The following RBFOX1 variants were observed in gnomAD, a reference collection of about 807,000 sequenced individuals.
RBFOX1 encodes RNA binding fox-1 homolog 1, also known as RNA binding protein fox-1 homolog 1.
RBFOX1 carries 8 observed loss-of-function variants against 57.7 expected under a neutral mutation model. The ratio of observed to expected loss-of-function variants is 0.14; its 90% CI spans 0.08 to 0.25. The LOEUF (loss-of-function observed/expected upper bound fraction) is 0.25. Ranked by LOEUF, RBFOX1 falls within the 10% of genes least tolerant of loss-of-function variation. The probability of loss-of-function intolerance (pLI) is 1.00; values close to 1 mark genes in which losing one functional copy is unlikely to be tolerated. For synonymous variants in RBFOX1, 326 were observed against 222.4 expected (o/e 1.47, Z -4.15); for missense variants, 611 against 548.5 (o/e 1.11, Z -1.14).
chr16:7,295,423 T>C (rs1201120850), intron 4 of RBFOX1, among the ~76,000 whole-genome samples: 2 of 152,202 alleles, frequency 1.3e-5, no homozygotes, highest in African/African-American at 4.8e-5. Flanking sequence ...TACCTCATAA[T>C]AATAGTTGCT....
intron 4 of RBFOX1, among the ~76,000 whole-genome samples, chr16:7,291,881 A>G (rs926568522): frequency 9.0e-6 from 1 of 111,364 alleles, no homozygotes; most frequent in Non-Finnish European, 1.8e-5. Flanking sequence ...TACTATATAT[A>G]AAATATATAA....
intron 3 of RBFOX1, among the ~76,000 whole-genome samples, chr16:6,719,877 G>A (rs2154160952): frequency 6.6e-6 from 1 of 152,076 alleles, no homozygotes; most frequent in African/African-American, 2.4e-5. Flanking sequence ...CGGATCACCT[G>A]AGGTCAGGAG....
At chr16:5,340,708 T>G (rs183892593) in intron 1 of RBFOX1, among the ~76,000 whole-genome samples, 2 of 152,240 alleles carry the variant, frequency 1.3e-5, no homozygotes, top group African/African-American at 2.4e-5. Flanking sequence ...AAGTAGCAAG[T>G]AATCAATTCA....
At chr16:6,025,824 ACAATTCAGT>A in intron 1 of RBFOX1, among the ~76,000 whole-genome samples, 1 of 152,196 alleles carries the variant, frequency 6.6e-6, no homozygotes, top group African/African-American at 2.4e-5. Context: ...GGACACCTGG[ACAATTCAGT>A]TTTCCTCCCA....
intron 14 of RBFOX1, among the ~76,000 whole-genome samples, chr16:7,703,532 G>T (rs142035475): frequency 6.6e-6 from 1 of 152,276 alleles, no homozygotes; most frequent in East Asian, 1.9e-4. Flanking sequence ...CATCAAAATA[G>T]GGAGTAAAAT....
At position 6,987,109 on chromosome 16, in the gene RBFOX1, G is replaced by A. The variant is rs116267964; in HGVS notation, c.-15-64948G>A. 6.1e-3 allele frequency among the ~76,000 whole-genome samples: 923 copies of A among 152,222 alleles called. 8 individuals carry two copies. Among genetic ancestry groups the A allele is most frequent in the African/African-American group, 0.02 (833 of 41,516 alleles). ...CTATTAGCAGCTTCCATTTATCAGC[G>A]TCTTGTGTGGGTGTAGTGGGCCTAA... On this transcript the variant is annotated intron_variant, in intron 3 of 15. Transcript: ENST00000550418.
chr16:6,923,696 T>G (rs1013410632), intron 3 of RBFOX1, among the ~76,000 whole-genome samples: 3 of 152,058 alleles, frequency 2.0e-5, no homozygotes, highest in Non-Finnish European at 4.4e-5. Flanking sequence ...TTGACTGCCA[T>G]TTTCTAGCCT....
intron 4 of RBFOX1, among the ~76,000 whole-genome samples, chr16:5,921,740 TG>T (rs1176271622): frequency 6.6e-6 from 1 of 152,054 alleles, no homozygotes; most frequent in African/African-American, 2.4e-5. Flanking sequence ...AATCTGCTGC[TG>T]GGGAGGCCTC....
At chr16:7,487,256 C>T (rs754767024) in intron 4 of RBFOX1, among the ~76,000 whole-genome samples, 2 of 152,182 alleles carry the variant, frequency 1.3e-5, no homozygotes, top group Non-Finnish European at 2.9e-5. Flanking sequence ...TCCTCCAAGA[C>T]ATCCACATGG....
chr16:6,091,834 A>G (rs1336677020), intron 1 of RBFOX1, among the ~76,000 whole-genome samples: 1 of 152,174 alleles, frequency 6.6e-6, no homozygotes, highest in Non-Finnish European at 1.5e-5. Flanking sequence ...CTGTCTCAAA[A>G]AAACAAAACA....
At chr16:5,291,079 A>T (rs1223006796) in intron 1 of RBFOX1, among the ~76,000 whole-genome samples, 1 of 152,158 alleles carries the variant, frequency 6.6e-6, no homozygotes, top group East Asian at 1.9e-4. Flanking sequence ...AGGCTGGAGA[A>T]AGAGAGGGGC....
At chr16:6,852,090 C>T (rs544847558) in intron 3 of RBFOX1, among the ~76,000 whole-genome samples, 10 of 152,000 alleles carry the variant, frequency 6.6e-5, no homozygotes, top group Non-Finnish European at 1.2e-4. Context: ...CACGTAACTA[C>T]CACAGATGTG....
Position 6,775,315 on chromosome 16 carries a change from G to C in RBFOX1, c.-16+120665G>C, listed in dbSNP as rs185725954. On this transcript the variant is annotated intron_variant, in intron 3 of 15. Transcript: ENST00000550418. ...ACCGCACTCCAGCCTGGGCGATACA[G>C]CGAGACTCTGTCTCAAAAAAAAAAA... is the stretch of plus-strand genomic sequence containing the variant. Among the ~76,000 whole-genome samples, 791 of 130,964 alleles carry C rather than the reference G, an allele frequency of 6.0e-3. 12 individuals carry two copies. Among genetic ancestry groups the C allele is most frequent in the African/African-American group, 0.023 (761 of 33,330 alleles). The allele number at this position is 130,964 out of a possible 152,430, so 85.9% of individuals were successfully genotyped here. A position where few individuals can be genotyped will look rare whatever the true frequency, so the allele number is the denominator to read the frequency against.
chr16:6,522,882 C>A (rs991752955), intron 2 of RBFOX1, among the ~76,000 whole-genome samples: 5 of 152,136 alleles, frequency 3.3e-5, no homozygotes, highest in African/African-American at 1.2e-4. Flanking sequence ...CTCTTTGTTT[C>A]TCTTCCTTGA....
At chr16:7,124,468 C>A (rs367779948) in intron 4 of RBFOX1, among the ~76,000 whole-genome samples, 1 of 151,682 alleles carries the variant, frequency 6.6e-6, no homozygotes, top group Admixed American at 6.6e-5. Context: ...GTACTGTACA[C>A]TTCTGAACCA....
intron 2 of RBFOX1, among the ~76,000 whole-genome samples, chr16:6,507,629 C>T (rs2096138077): frequency 6.6e-6 from 1 of 152,014 alleles, no homozygotes; most frequent in South Asian, 2.1e-4. Context: ...TGTGATTGCA[C>T]CACTGCACTC....
chr16:5,258,166 G>A (rs922624873), intron 1 of RBFOX1, among the ~76,000 whole-genome samples: 1 of 152,282 alleles, frequency 6.6e-6, no homozygotes, highest in South Asian at 2.1e-4. Context: ...ATAGGCATGA[G>A]CTGCTGTGCC....
chr16:6,348,220 G>A (rs1225842525), intron 2 of RBFOX1, among the ~76,000 whole-genome samples: 1 of 152,164 alleles, frequency 6.6e-6, no homozygotes, highest in Non-Finnish European at 1.5e-5. Flanking sequence ...AGGCCATCCA[G>A]GTTCACACTC....
At chr16:6,993,778 C>T (rs753773323) in intron 3 of RBFOX1, among the ~76,000 whole-genome samples, 2 of 152,134 alleles carry the variant, frequency 1.3e-5, no homozygotes, top group African/African-American at 2.4e-5. Context: ...ATAAATCTGC[C>T]ATCCTGGAGC....
Sources: allele counts gnomAD v4.1 joint callset (sites outside exome capture counted in the v4.1 genomes callset), GRCh38; gene constraint gnomAD v4.1.1; transcripts MANE v1.5; gene names NCBI Gene and HGNC (gene_info 2026-07-23, HGNC 2026-07-21).